PRKCQ: variants seen among roughly 807,000 people sequenced by gnomAD.
PRKCQ encodes the protein protein kinase C theta.
In PRKCQ, 41 loss-of-function variants were observed where a neutral mutation model predicts 91.2. The observed-to-expected ratio is 0.45, with a 90% confidence interval of 0.35 to 0.58. The LOEUF (loss-of-function observed/expected upper bound fraction) is 0.58, where lower values mean the gene tolerates loss of function less well. Among genes scored for constraint, PRKCQ ranks in the 20% least tolerant of loss-of-function variants. The pLI is 0.00. For synonymous variants in PRKCQ, 307 were observed against 316.9 expected (o/e 0.97, Z 0.33); for missense variants, 673 against 896.5 (o/e 0.75, Z 3.18).
intron 1 of PRKCQ, among the ~76,000 whole-genome samples, chr10:6,561,920 G>T (rs1840649015): frequency 1.3e-5 from 2 of 152,088 alleles, no homozygotes; most frequent in Non-Finnish European, 2.9e-5. Context: ...GAGAGTTCAA[G>T]CAAAAAGTAA....
At position 6,565,816 on chromosome 10, in the gene PRKCQ, T is replaced by C. The variant is rs117295631; in HGVS notation, c.-10+14395A>G. ...ACTGAATTACGTTCCTCAAAAGTAA[T>C]TGCAAAACCACAATTACTTTTGCAA... On this transcript the variant is annotated intron_variant, in intron 1 of 17. Transcript: ENST00000263125. 5.1e-3 allele frequency among the ~76,000 whole-genome samples: 772 copies of C among 152,346 alleles called. 24 individuals carry two copies. The East Asian group carries it at 0.084, about 17-fold the overall frequency.
intron 12 of PRKCQ, among the ~76,000 whole-genome samples, chr10:6,471,311 A>G (rs1166674012): frequency 6.6e-6 from 1 of 152,242 alleles, no homozygotes; most frequent in African/African-American, 2.4e-5. Context: ...AAGTCACAGA[A>G]GACACCCAGC....
intron 8 of PRKCQ, among the ~76,000 whole-genome samples, chr10:6,491,307 C>T (rs1163044199): frequency 6.6e-6 from 1 of 152,198 alleles, no homozygotes; most frequent in Non-Finnish European, 1.5e-5. Flanking sequence ...TACCACACAG[C>T]TAGACCTGTT....
chr10:6,479,976 A>C (rs1836506520), intron 11 of PRKCQ, among the ~76,000 whole-genome samples: 1 of 151,820 alleles, frequency 6.6e-6, no homozygotes, highest in Admixed American at 6.6e-5. Context: ...TAAATAAGTA[A>C]ACACCATTTT....
At chr10:6,553,235 A>T (rs763991122) in intron 1 of PRKCQ, among the ~76,000 whole-genome samples, 3 of 152,224 alleles carry the variant, frequency 2.0e-5, no homozygotes, top group Non-Finnish European at 4.4e-5. Flanking sequence ...ACTGCTGCAG[A>T]TTCCATCGGA....
intron 13 of PRKCQ, among the ~76,000 whole-genome samples, 169 bp from the exon 14 acceptor site, chr10:6,462,534 G>A (rs1170960595): frequency 1.3e-5 from 2 of 152,086 alleles, no homozygotes; most frequent in African/African-American, 4.8e-5. Context: ...CTACACATAA[G>A]AAAGTAGAGG....
intron 4 of PRKCQ, among the ~76,000 whole-genome samples, chr10:6,505,183 T>C (rs657701): frequency 0.11 from 16,639 of 152,226 alleles, 1,189 homozygotes; most frequent in Middle Eastern, 0.23. Context: ...TGAGCCACCG[T>C]GCCCGGCCAA....
the PRKCQ span, among the ~76,000 whole-genome samples, chr10:6,415,627 T>A: frequency 4.6e-5 from 7 of 151,648 alleles, no homozygotes; most frequent in African/African-American, 1.7e-4. Context: ...ATTGTAGAAT[T>A]CCCTCTGCGC....
chr10:6,414,879 C>G, the PRKCQ span, among the ~76,000 whole-genome samples: 2 of 151,776 alleles, frequency 1.3e-5, no homozygotes, highest in South Asian at 2.1e-4. Flanking sequence ...ATTGGAGACC[C>G]AAAGGAGGAG....
At chr10:6,534,431 T>C (rs1001411596) in intron 1 of PRKCQ, among the ~76,000 whole-genome samples, 3 of 152,192 alleles carry the variant, frequency 2.0e-5, no homozygotes, top group Non-Finnish European at 4.4e-5. Context: ...TTTTGTAATA[T>C]ACAGCATGTA....
At chr10:6,567,691 T>C (rs1022357032) in intron 1 of PRKCQ, among the ~76,000 whole-genome samples, 1 of 152,248 alleles carries the variant, frequency 6.6e-6, no homozygotes, top group African/African-American at 2.4e-5. Flanking sequence ...GTGCCCATTT[T>C]ATTTTATTGC....
chr10:6,404,790 T>C, the PRKCQ span, among the ~76,000 whole-genome samples: 1 of 137,402 alleles, frequency 7.3e-6, no homozygotes, highest in Non-Finnish European at 1.6e-5. Flanking sequence ...CTTCACTCCT[T>C]CCTTCCTTCT....
intron 11 of PRKCQ, among the ~76,000 whole-genome samples, chr10:6,479,372 T>C (rs1298237199): frequency 6.6e-6 from 1 of 152,204 alleles, no homozygotes; most frequent in East Asian, 1.9e-4. Context: ...ACTATCTTTG[T>C]ACTCTTTCCA....
intron 15 of PRKCQ, among the ~76,000 whole-genome samples, chr10:6,444,347 G>A (rs1222336260): frequency 1.3e-5 from 2 of 151,868 alleles, no homozygotes; most frequent in Non-Finnish European, 2.9e-5. Flanking sequence ...GGGATTAACC[G>A]CACCTGGCAC....
intron 1 of PRKCQ, among the ~76,000 whole-genome samples, chr10:6,535,774 C>T (rs889066063): frequency 2.6e-5 from 4 of 152,156 alleles, no homozygotes; most frequent in Non-Finnish European, 5.9e-5. Flanking sequence ...TCCATCAAAG[C>T]GGACAGATCC....
chr10:6,417,565 G>A, the PRKCQ span, among the ~76,000 whole-genome samples: 2 of 152,194 alleles, frequency 1.3e-5, no homozygotes, highest in Admixed American at 6.5e-5. Flanking sequence ...CGATGCCAGC[G>A]TGATGCTCAG....
intron 7 of PRKCQ, among the ~76,000 whole-genome samples, chr10:6,496,216 CAAAAAAA>C (rs199934718): frequency 9.6e-5 from 9 of 94,208 alleles, no homozygotes; most frequent in African/African-American, 1.7e-4. Context: ...GATTCCATCT[CAAAAAAA>C]AAAAAAAAAA....
At chr10:6,569,812 G>A (rs1171755461) in intron 1 of PRKCQ, among the ~76,000 whole-genome samples, 4 of 152,254 alleles carry the variant, frequency 2.6e-5, no homozygotes, top group East Asian at 1.9e-4. Flanking sequence ...AGGAGAAAAC[G>A]TGTTGAAAGA....
chr10:6,431,387 G>A (rs1333682041), intron 16 of PRKCQ, among the ~76,000 whole-genome samples: 1 of 152,004 alleles, frequency 6.6e-6, no homozygotes, highest in Non-Finnish European at 1.5e-5. Flanking sequence ...AACACACACT[G>A]GCACACATGC....
Sources: gnomAD v4.1 joint callset for allele counts (sites outside exome capture counted in the v4.1 genomes callset) on GRCh38, gnomAD v4.1.1 for gene constraint, MANE v1.5 for transcripts, NCBI Gene and HGNC (gene_info 2026-07-23, HGNC 2026-07-21) for gene names.